Variants in ARHGAP32 observed in about 807,000 individuals in gnomAD.
ARHGAP32 encodes the protein rho GTPase-activating protein 32.
In ARHGAP32, 51 loss-of-function variants were observed where a neutral mutation model predicts 186.5. That is an observed-to-expected ratio of 0.27 (90% confidence interval 0.22 to 0.35). ARHGAP32 has a LOEUF of 0.35. Among genes scored for constraint, ARHGAP32 ranks in the 10% least tolerant of loss-of-function variants. The pLI is 1.00. For synonymous variants in ARHGAP32, 950 were observed against 964.3 expected (o/e 0.99, Z 0.27); for missense variants, 2,186 against 2,623.5 (o/e 0.83, Z 3.64).
At chr11:129,137,138 A>T (rs2135417883) in intron 2 of ARHGAP32, among the ~76,000 whole-genome samples, 1 of 151,980 alleles carries the variant, frequency 6.6e-6, no homozygotes, top group Non-Finnish European at 1.5e-5. Flanking sequence ...AGTATATATG[A>T]ACTGAAAAAA....
intron 6 of ARHGAP32, among the ~76,000 whole-genome samples, chr11:129,079,273 A>G (rs965357319): frequency 6.6e-6 from 1 of 152,202 alleles, no homozygotes; most frequent in African/African-American, 2.4e-5. Context: ...CAGGAAATTC[A>G]TCGCAAAATG....
chr11:129,016,685 T>G (rs570519372), intron 11 of ARHGAP32, among the ~76,000 whole-genome samples: 2 of 152,206 alleles, frequency 1.3e-5, no homozygotes, highest in Admixed American at 6.5e-5. Context: ...TAAAACTGCC[T>G]TATTTTTAGC....
At chr11:129,097,200 C>A (rs1941755102) in intron 5 of ARHGAP32, among the ~76,000 whole-genome samples, 1 of 152,056 alleles carries the variant, frequency 6.6e-6, no homozygotes, top group Non-Finnish European at 1.5e-5. Context: ...CATGGTGGCT[C>A]ACACCTGTAA....
intron 5 of ARHGAP32, among the ~76,000 whole-genome samples, chr11:129,115,450 A>G (rs1264542694): frequency 6.6e-6 from 1 of 152,140 alleles, no homozygotes; most frequent in African/African-American, 2.4e-5. Flanking sequence ...GGAATAGAGC[A>G]CTGTTTTCTC....
At chr11:129,244,240 AAAG>A (rs1945056868) in intron 1 of ARHGAP32, among the ~76,000 whole-genome samples, 1 of 152,214 alleles carries the variant, frequency 6.6e-6, no homozygotes, top group Admixed American at 6.5e-5. Context: ...TCTCAGAAAA[AAAG>A]AAAGAAAACT....
At chr11:129,109,031 C>T (rs1469847708) in intron 5 of ARHGAP32, among the ~76,000 whole-genome samples, 1 of 152,110 alleles carries the variant, frequency 6.6e-6, no homozygotes, top group Non-Finnish European at 1.5e-5. Context: ...TATCTAACTG[C>T]ATGTTTCTTC....
chr11:129,248,212 C>CAA (rs61454534), intron 1 of ARHGAP32, among the ~76,000 whole-genome samples: 1,224 of 121,948 alleles, frequency 0.01, 12 homozygotes, highest in Non-Finnish European at 0.016. Flanking sequence ...TTGGCTGTCT[C>CAA]AAAAAAAAAA....
intron 1 of ARHGAP32, among the ~76,000 whole-genome samples, chr11:129,179,208 G>C (rs1214080543): frequency 6.6e-6 from 1 of 152,146 alleles, no homozygotes; most frequent in African/African-American, 2.4e-5. Flanking sequence ...CATCATCACT[G>C]GCCATCAGAG....
intron 5 of ARHGAP32, among the ~76,000 whole-genome samples, chr11:129,101,803 C>T (rs967575629): frequency 2.3e-4 from 35 of 152,302 alleles, no homozygotes; most frequent in Non-Finnish European, 2.5e-4. Context: ...TCCATGAGAA[C>T]TTCCCCAACC....
intron 21 of ARHGAP32, chr11:128,973,771 T>C (rs1945463725): frequency 2.0e-6 from 1 of 510,954 alleles, no homozygotes; most frequent in Non-Finnish European, 3.4e-6. Context: ...GTTTTTACAT[T>C]TGATGGTGTA....
intron 11 of ARHGAP32, among the ~76,000 whole-genome samples, chr11:129,013,401 T>G (rs922322588): frequency 1.3e-5 from 2 of 152,210 alleles, no homozygotes; most frequent in African/African-American, 4.8e-5. Context: ...CATCCCAATC[T>G]GAGACACTGA....
At chr11:129,256,205 C>T (rs1014765638) in intron 1 of ARHGAP32, among the ~76,000 whole-genome samples, 2 of 152,134 alleles carry the variant, frequency 1.3e-5, no homozygotes, top group East Asian at 3.9e-4. Context: ...TGATCAGATG[C>T]TAGTCACATA....
intron 11 of ARHGAP32, among the ~76,000 whole-genome samples, chr11:129,024,517 T>C (rs1938745737): frequency 6.6e-6 from 1 of 152,320 alleles, no homozygotes; most frequent in Middle Eastern, 3.4e-3. Flanking sequence ...AAAACAAATC[T>C]TTTAATATCT....
At chr11:129,009,398 C>T (rs1355968366) in intron 11 of ARHGAP32, among the ~76,000 whole-genome samples, 1 of 152,108 alleles carries the variant, frequency 6.6e-6, no homozygotes, top group East Asian at 1.9e-4. Context: ...ATTATATAAA[C>T]ATGTGCCATG....
At chr11:129,012,916 G>A (rs569942514) in intron 11 of ARHGAP32, among the ~76,000 whole-genome samples, 5 of 152,208 alleles carry the variant, frequency 3.3e-5, no homozygotes, top group East Asian at 1.9e-4. Context: ...GTAAGTCAAC[G>A]GAAACATATT....
intron 11 of ARHGAP32, among the ~76,000 whole-genome samples, chr11:129,011,924 T>C (rs1217949983): frequency 2.6e-5 from 4 of 152,078 alleles, no homozygotes; most frequent in Non-Finnish European, 5.9e-5. Flanking sequence ...CATGTACATG[T>C]GAGCTTATTT....
At chr11:129,139,577 G>T (rs189433608) in intron 2 of ARHGAP32, among the ~76,000 whole-genome samples, 1 of 152,162 alleles carries the variant, frequency 6.6e-6, no homozygotes, top group Non-Finnish European at 1.5e-5. Context: ...ATCATAGGGG[G>T]CGGGTCTTTC....
chr11:129,127,433 G>T (rs761632155), intron 2 of ARHGAP32, among the ~76,000 whole-genome samples: 8 of 152,222 alleles, frequency 5.3e-5, no homozygotes, highest in Non-Finnish European at 8.8e-5. Context: ...GTTCTGTCCA[G>T]CAATATTTTC....
At chr11:129,134,016 T>C (rs1470991143) in intron 2 of ARHGAP32, among the ~76,000 whole-genome samples, 2 of 152,190 alleles carry the variant, frequency 1.3e-5, no homozygotes, top group Admixed American at 1.3e-4. Context: ...GTAGGATTTC[T>C]ACATTCTACT....
Sources: allele counts gnomAD v4.1 joint callset (sites outside exome capture counted in the v4.1 genomes callset), GRCh38; gene constraint gnomAD v4.1.1; transcripts MANE v1.5; gene names NCBI Gene and HGNC (gene_info 2026-07-23, HGNC 2026-07-21).